Variants in PARD3 observed in about 807,000 individuals in gnomAD.
PARD3 encodes the protein partitioning defective 3 homolog.
Under a neutral mutation model 155.4 loss-of-function variants are expected in PARD3, and 75 were observed. The observed-to-expected ratio is 0.48, with a 90% CI of 0.40 to 0.58. PARD3 has a LOEUF of 0.58. Among genes scored for constraint, PARD3 ranks in the 20% least tolerant of loss-of-function variants. The pLI is 0.00. For synonymous variants in PARD3, 576 were observed against 610.5 expected, an observed-to-expected ratio of 0.94 and a Z score of 0.83; for missense variants, 1,642 against 1,721.7, an observed-to-expected ratio of 0.95 and a Z score of 0.82.
intron 1 of PARD3, among the ~76,000 whole-genome samples, chr10:34,742,813 T>C (rs937164890): frequency 6.6e-6 from 1 of 152,312 alleles, no homozygotes; most frequent in Non-Finnish European, 1.5e-5. Flanking sequence ...GCAGGCAGCC[T>C]TCTCCATATT....
At chr10:34,437,081 T>TAAAA (rs35137394) in intron 5 of PARD3, among the ~76,000 whole-genome samples, 88,896 of 151,368 alleles carry the variant, frequency 0.59, 26,932 homozygotes, top group Middle Eastern at 0.68. Flanking sequence ...TTTTAAAAAT[T>TAAAA]AAAGAATGTT....
At position 34,807,609 on chromosome 10, in the gene PARD3, T is replaced by C. The variant is rs1353563210; in HGVS notation, c.120+7267A>G. On this transcript the variant is annotated intron_variant, in intron 1 of 24. Coordinates refer to ENST00000374788, the MANE Select transcript of PARD3 (RefSeq NM_001184785.2). Reference sequence around the variant, plus strand: ...ATGTTATAGGAACAGAATTATACAATATGTGGGCTTGCTGCTATGAACACT... The same window carrying C: ...ATGTTATAGGAACAGAATTATACAACATGTGGGCTTGCTGCTATGAACACT... 3.3e-5 allele frequency among the ~76,000 whole-genome samples: 5 copies of C among 152,148 alleles called. No homozygotes were observed. In the East Asian group the frequency reaches 9.6e-4, roughly 29 times the overall value.
chr10:34,396,121 C>A (rs951259483), intron 7 of PARD3, among the ~76,000 whole-genome samples: 5 of 152,078 alleles, frequency 3.3e-5, no homozygotes, highest in Non-Finnish European at 7.4e-5. Context: ...AGGCTGAGGC[C>A]GGCGGATCAC....
At chr10:34,517,332 T>C (rs992500042) in intron 2 of PARD3, among the ~76,000 whole-genome samples, 173 bp from the exon 3 acceptor site, 3 of 152,258 alleles carry the variant, frequency 2.0e-5, no homozygotes, top group Non-Finnish European at 4.4e-5. Context: ...TAAATTTTGA[T>C]GCTTTACTTG....
intron 5 of PARD3, among the ~76,000 whole-genome samples, chr10:34,411,777 TAGAC>T (rs1300586720): frequency 7.0e-6 from 1 of 143,342 alleles, no homozygotes; most frequent in African/African-American, 2.5e-5. Flanking sequence ...GATAGATAGA[TAGAC>T]AGAATCTCCA....
intron 20 of PARD3, among the ~76,000 whole-genome samples, chr10:34,315,161 T>C (rs1346325488): frequency 1.3e-5 from 2 of 152,310 alleles, no homozygotes; most frequent in African/African-American, 4.8e-5. Flanking sequence ...GTACAGGCTG[T>C]AGATAATGAT....
intron 22 of PARD3, among the ~76,000 whole-genome samples, chr10:34,233,793 G>GAGC (rs1953067536): frequency 6.6e-6 from 1 of 151,882 alleles, no homozygotes; most frequent in Non-Finnish European, 1.5e-5. Context: ...TCTGTCCCAG[G>GAGC]AGCAGCAGCA....
chr10:34,188,064 A>G (rs952159761), intron 22 of PARD3, among the ~76,000 whole-genome samples: 1 of 152,210 alleles, frequency 6.6e-6, no homozygotes, highest in African/African-American at 2.4e-5. Context: ...TTCAGCATAA[A>G]TCATGTGTTA....
At chr10:34,254,186 C>T (rs575863120) in intron 22 of PARD3, among the ~76,000 whole-genome samples, 1 of 152,226 alleles carries the variant, frequency 6.6e-6, no homozygotes, top group Admixed American at 6.5e-5. Context: ...TCGAGACCAG[C>T]CTGGCCAACA....
intron 2 of PARD3, among the ~76,000 whole-genome samples, chr10:34,654,849 T>C (rs1202193186): frequency 6.6e-6 from 1 of 152,208 alleles, no homozygotes; most frequent in East Asian, 1.9e-4. Context: ...CCACCTTTTC[T>C]GACATTGCCA....
chr10:34,353,161 G>A (rs11009748), intron 14 of PARD3, among the ~76,000 whole-genome samples: 22,364 of 151,964 alleles, frequency 0.15, 2,975 homozygotes, highest in African/African-American at 0.36. Flanking sequence ...CAGCCGCCCC[G>A]TCCGGGAGGG....
chr10:34,169,976 G>A (rs1048897722), intron 22 of PARD3, among the ~76,000 whole-genome samples: 6 of 152,176 alleles, frequency 3.9e-5, no homozygotes, highest in Non-Finnish European at 1.5e-5. Context: ...TGTGTGACAT[G>A]AGCTGACAAC....
At chr10:34,414,311 C>T (rs1196049206) in intron 5 of PARD3, among the ~76,000 whole-genome samples, 1 of 152,008 alleles carries the variant, frequency 6.6e-6, no homozygotes, top group Non-Finnish European at 1.5e-5. Flanking sequence ...TCTACTGTAC[C>T]CACATGCCTA....
At chr10:34,700,698 G>A (rs1165489366) in intron 1 of PARD3, among the ~76,000 whole-genome samples, 4 of 152,128 alleles carry the variant, frequency 2.6e-5, no homozygotes, top group Admixed American at 1.3e-4. Context: ...CAGGCCAGGC[G>A]CAGTGGCTCA....
intron 1 of PARD3, among the ~76,000 whole-genome samples, chr10:34,769,567 G>A (rs1370015965): frequency 1.3e-5 from 2 of 151,652 alleles, no homozygotes; most frequent in Non-Finnish European, 2.9e-5. Flanking sequence ...ACCAGCTTGG[G>A]CAACACGGCA....
At chr10:34,268,362 T>A (rs1050019365) in intron 22 of PARD3, among the ~76,000 whole-genome samples, 1 of 150,970 alleles carries the variant, frequency 6.6e-6, no homozygotes, top group Non-Finnish European at 1.5e-5. Context: ...ATTGTGGAAG[T>A]CAGTGTGGCG....
intron 22 of PARD3, among the ~76,000 whole-genome samples, chr10:34,268,564 G>T (rs1365189586): frequency 6.6e-6 from 1 of 152,026 alleles, no homozygotes; most frequent in Non-Finnish European, 1.5e-5. Context: ...TTAAGAAAAT[G>T]TGGCACATAC....
At chr10:34,312,197 A>G (rs947622177) in intron 20 of PARD3, 14 of 1,387,088 alleles carry the variant, frequency 1.0e-5, no homozygotes, top group Non-Finnish European at 1.2e-5. Context: ...ATGGATTAAT[A>G]AGGAAATTAC....
At chr10:34,326,383 C>A (rs942998228) in intron 19 of PARD3, among the ~76,000 whole-genome samples, 5 of 151,900 alleles carry the variant, frequency 3.3e-5, no homozygotes, top group East Asian at 3.9e-4. Context: ...ATAGGTTATT[C>A]TTCTTCTTAG....
Sources: gnomAD v4.1 joint callset for allele counts (sites outside exome capture counted in the v4.1 genomes callset) on GRCh38, gnomAD v4.1.1 for gene constraint, MANE v1.5 for transcripts, NCBI Gene and HGNC (gene_info 2026-07-23, HGNC 2026-07-21) for gene names.